Variants in CDH4 observed in about 807,000 individuals in gnomAD.
CDH4 encodes cadherin 4.
A neutral mutation model predicts 86.0 loss-of-function variants in CDH4; 33 were observed. The ratio of observed to expected loss-of-function variants is 0.38; its 90% CI spans 0.29 to 0.51. The LOEUF is 0.51. Ranked by LOEUF, CDH4 falls within the 20% of genes least tolerant of loss-of-function variation. CDH4 has a pLI of 0.86. For missense variants in CDH4, 1,114 were observed against 1,307.4 expected (o/e 0.85, Z 2.28); for synonymous variants, 555 against 549.4 (o/e 1.01, Z -0.14).
chr20:61,447,413 A>T (rs771863787), intron 2 of CDH4, among the ~76,000 whole-genome samples: 1 of 145,314 alleles, frequency 6.9e-6, no homozygotes, highest in Non-Finnish European at 1.5e-5. Flanking sequence ...ACCTCAGGTG[A>T]TCTGTCCACC....
At chr20:61,439,030 T>C (rs1043839317) in intron 2 of CDH4, among the ~76,000 whole-genome samples, 34 of 152,342 alleles carry the variant, frequency 2.2e-4, no homozygotes, top group Admixed American at 1.0e-3. Flanking sequence ...TCTTTCATTT[T>C]TCCCCCCAAG....
intron 6 of CDH4, among the ~76,000 whole-genome samples, chr20:61,854,210 C>G (rs1982875258): frequency 6.6e-6 from 1 of 152,172 alleles, no homozygotes; most frequent in Non-Finnish European, 1.5e-5. Flanking sequence ...CCAGGGCCAG[C>G]TCCCAGGGGC....
chr20:61,345,088 G>C (rs1259910790), intron 2 of CDH4, among the ~76,000 whole-genome samples: 2 of 152,208 alleles, frequency 1.3e-5, no homozygotes, highest in Non-Finnish European at 2.9e-5. Flanking sequence ...TGGATTCCTA[G>C]CTGTCTCTTT....
intron 2 of CDH4, among the ~76,000 whole-genome samples, chr20:61,345,252 C>T (rs1392922410): frequency 1.3e-5 from 2 of 152,188 alleles, no homozygotes; most frequent in South Asian, 2.1e-4. Flanking sequence ...TATTTCCACC[C>T]CAGGGAAATC....
intron 4 of CDH4, among the ~76,000 whole-genome samples, chr20:61,777,959 G>T (rs188215891): frequency 5.3e-5 from 8 of 150,336 alleles, no homozygotes; most frequent in African/African-American, 2.0e-4. Flanking sequence ...ATGCACACAC[G>T]TGCATACTAT....
chr20:61,704,035 C>T (rs977825830), intron 2 of CDH4, among the ~76,000 whole-genome samples: 7 of 151,856 alleles, frequency 4.6e-5, no homozygotes, highest in Non-Finnish European at 1.0e-4. Context: ...TGGCTCGAGC[C>T]AGGCCTCGAG....
chr20:61,459,815 C>A (rs186661824), intron 2 of CDH4, among the ~76,000 whole-genome samples: 7 of 151,952 alleles, frequency 4.6e-5, no homozygotes, highest in African/African-American at 1.7e-4. Flanking sequence ...CTTCGCAGCC[C>A]GAGTTAAGGA....
intron 2 of CDH4, among the ~76,000 whole-genome samples, chr20:61,639,903 T>G (rs556645545): frequency 6.6e-6 from 1 of 152,338 alleles, no homozygotes; most frequent in South Asian, 2.1e-4. Flanking sequence ...TTTGTCATCT[T>G]GGAGCCGCTG....
At chr20:61,744,384 A>AGGAGGGAGAGAGATGGAAAGAGGT (rs1377560826) in intron 3 of CDH4, among the ~76,000 whole-genome samples, 1 of 144,486 alleles carries the variant, frequency 6.9e-6, no homozygotes, top group African/African-American at 2.6e-5. Context: ...GAGAGAGAGA[A>AGGAGGGAGAGAGATGGAAAGAGGT]GGAGGGAGAG....
At chr20:61,764,065 T>G (rs900331411) in intron 3 of CDH4, among the ~76,000 whole-genome samples, 3 of 152,194 alleles carry the variant, frequency 2.0e-5, no homozygotes, top group African/African-American at 7.2e-5. Flanking sequence ...AGACCTCACC[T>G]TGCAGCCACA....
Position 61,677,207 on chromosome 20 carries a change from A to G in CDH4, c.170-66356A>G, listed in dbSNP as rs117723601. 2.1e-3 allele frequency among the ~76,000 whole-genome samples: 317 copies of G among 152,318 alleles called. 1 individual carries two copies. Among genetic ancestry groups the G allele is most frequent in the Middle Eastern group, 0.017 (5 of 294 alleles). On this transcript the variant is annotated intron_variant, in intron 2 of 15. Transcript: ENST00000614565. ...AGCTGGCTGGAGTAGGGGAAGGAGC[A>G]GGGCCCTGGCCTCTGTGATATCTGC...
At chr20:61,830,317 A>G (rs1184885427) in intron 4 of CDH4, among the ~76,000 whole-genome samples, 1 of 151,986 alleles carries the variant, frequency 6.6e-6, no homozygotes, top group Non-Finnish European at 1.5e-5. Flanking sequence ...ACTCAAGTCC[A>G]TCCACATCCT....
intron 2 of CDH4, among the ~76,000 whole-genome samples, chr20:61,296,268 T>TGTGTGC (rs1281920428): frequency 3.1e-4 from 4 of 12,922 alleles, no homozygotes; most frequent in Non-Finnish European, 9.7e-4. Context: ...TGTGCGTGTG[T>TGTGTGC]GTGTGTGCGT....
intron 2 of CDH4, among the ~76,000 whole-genome samples, chr20:61,736,469 C>T (rs1461266654): frequency 1.3e-5 from 2 of 152,150 alleles, no homozygotes; most frequent in African/African-American, 2.4e-5. Context: ...TGTAGAGTGC[C>T]GCACGTCTGA....
At position 61,807,209 on chromosome 20, in the gene CDH4, G is replaced by C. The variant is rs1277491248; in HGVS notation, c.576+34027G>C. Among the ~76,000 whole-genome samples, 1 of 152,228 alleles carries C rather than the reference G, an allele frequency of 6.6e-6. No homozygotes were observed. Among genetic ancestry groups the C allele is most frequent in the Non-Finnish European group, 1.5e-5 (1 of 68,042 alleles). On this transcript the variant is annotated intron_variant, in intron 4 of 15. Coordinates refer to ENST00000614565, the MANE Select transcript of CDH4 (RefSeq NM_001794.5). The surrounding 1 kb of genome is among the most constrained non-coding windows in gnomAD (Gnocchi z 4.5). ...GTCCTGCCAGACAGAGGAGTGGCCT[G>C]TGGGAGAACTGCCCTGGGGAAGGAA...
chr20:61,782,244 G>C (rs1978587135), intron 4 of CDH4, among the ~76,000 whole-genome samples: 2 of 152,180 alleles, frequency 1.3e-5, no homozygotes, highest in Admixed American at 1.3e-4. Flanking sequence ...GGGAGACAGA[G>C]GTTGCAGTGA....
At chr20:61,524,727 C>A (rs1470276450) in intron 2 of CDH4, among the ~76,000 whole-genome samples, 1 of 152,178 alleles carries the variant, frequency 6.6e-6, no homozygotes, top group Non-Finnish European at 1.5e-5. Context: ...TCAAGTGCTG[C>A]CCACCTCGGC....
chr20:61,800,127 T>C (rs1304577152), intron 4 of CDH4, among the ~76,000 whole-genome samples: 3 of 152,174 alleles, frequency 2.0e-5, no homozygotes. Context: ...ACTCCCTCCT[T>C]GAAGCCTGTG....
rs138811899 is a variant in CDH4, at chr20:61,684,923, CCT to C, written c.170-58639_170-58638del. Among the ~76,000 whole-genome samples the C allele has an allele frequency of 0.047, 7,113 of 152,252 alleles. 310 individuals are homozygous for C. Among genetic ancestry groups the C allele is most frequent in the African/African-American group, 0.1 (4,313 of 41,512 alleles). ...ATATAAAAACTTACCGTGAAATTCCCCTGTTTAAAGTGTACAATTCAATGGTC... is the reference window on the plus strand; with the variant it reads ...ATATAAAAACTTACCGTGAAATTCCCGTTTAAAGTGTACAATTCAATGGTC... On this transcript the variant is annotated intron_variant, in intron 2 of 15. Transcript: ENST00000614565. This position sits in a 1 kb window ranked among gnomAD's most constrained non-coding sequence, Gnocchi z 4.5.
Sources: allele counts gnomAD v4.1 joint callset (sites outside exome capture counted in the v4.1 genomes callset), GRCh38; gene constraint gnomAD v4.1.1; non-coding constraint Gnocchi (gnomAD v3.1); transcripts MANE v1.5; gene names NCBI Gene and HGNC (gene_info 2026-07-23, HGNC 2026-07-21).